Variants in CIMIP2A observed in about 807,000 individuals in gnomAD.
CIMIP2A encodes ciliary microtubule inner protein 2A, also known as family with sequence similarity 166 member A.
chr9:137,250,930 C>T, the CIMIP2A span: 6 of 282,696 alleles, frequency 2.1e-5, no homozygotes, highest in Admixed American at 9.9e-5. Context: ...TGGTGGATGC[C>T]GGTGGGTCCT....
chr9:137,253,633 T>C, the CIMIP2A span: 1 of 658,594 alleles, frequency 1.5e-6, no homozygotes, highest in South Asian at 3.6e-5. Context: ...AGCCTGTGAC[T>C]GACCCTGAGC....
chr9:137,246,069 G>A, the CIMIP2A span, among the ~76,000 whole-genome samples: 3 of 152,234 alleles, frequency 2.0e-5, no homozygotes, highest in Non-Finnish European at 4.4e-5. Flanking sequence ...CACACCACAT[G>A]CTGGGAACAC....
chr9:137,244,890 C>G, the CIMIP2A span: 11 of 1,574,786 alleles, frequency 7.0e-6, no homozygotes, highest in South Asian at 1.3e-4. Context: ...TGGGAACAGG[C>G]AGGCAAGGCA....
At chr9:137,247,523 T>A in the CIMIP2A span, 8 of 775,736 alleles carry the variant, frequency 1.0e-5, no homozygotes, top group East Asian at 2.2e-4. Context: ...CAGACTGCAG[T>A]GCCCCGTGGT....
chr9:137,243,678 A>G, the CIMIP2A span: 6 of 1,614,018 alleles, frequency 3.7e-6, no homozygotes, highest in South Asian at 3.3e-5. Flanking sequence ...CATGCTGTAC[A>G]GACACCACCA....
the CIMIP2A span, chr9:137,243,635 C>G: frequency 1.2e-6 from 2 of 1,613,916 alleles, no homozygotes; most frequent in Non-Finnish European, 1.7e-6. Flanking sequence ...GCCTGTCCCA[C>G]TGTGTGCACT....
chr9:137,244,854 G>A, the CIMIP2A span: 41 of 1,564,118 alleles, frequency 2.6e-5, no homozygotes, highest in African/African-American at 6.8e-5. Flanking sequence ...TTCCCTGAAC[G>A]TTGGCGACTG....
chr9:137,245,195 C>T, the CIMIP2A span: 1 of 1,580,846 alleles, frequency 6.3e-7, no homozygotes, highest in Non-Finnish European at 8.6e-7. Context: ...GGGGTGGGTA[C>T]TCATCCCTCT....
the CIMIP2A span, among the ~76,000 whole-genome samples, chr9:137,248,867 CACAA>C: frequency 6.6e-6 from 1 of 152,112 alleles, no homozygotes; most frequent in Non-Finnish European, 1.5e-5. Context: ...GACCATTTCT[CACAA>C]ACAAACAAAA....
At chr9:137,247,990 C>A in the CIMIP2A span, among the ~76,000 whole-genome samples, 3 of 152,184 alleles carry the variant, frequency 2.0e-5, no homozygotes, top group Non-Finnish European at 4.4e-5. Context: ...ACTGTCCCTC[C>A]AGAAAGGGCC....
chr9:137,245,821 T>C, the CIMIP2A span: 1 of 1,509,562 alleles, frequency 6.6e-7, no homozygotes, highest in East Asian at 2.3e-5. Flanking sequence ...GTTCCCCACC[T>C]GGTAGCGCAG....
the CIMIP2A span, chr9:137,245,284 G>GC: frequency 1.4e-5 from 22 of 1,579,622 alleles, no homozygotes; most frequent in Non-Finnish European, 1.9e-5. Context: ...AATGGGCTTG[G>GC]CACTGGTGCA....
chr9:137,248,985 A>G, the CIMIP2A span, among the ~76,000 whole-genome samples: 2 of 151,950 alleles, frequency 1.3e-5, no homozygotes, highest in Non-Finnish European at 2.9e-5. Context: ...AAAGATATAA[A>G]CAACACCTCC....
chr9:137,251,815 A>C, the CIMIP2A span: 2 of 1,603,170 alleles, frequency 1.2e-6, no homozygotes, highest in African/African-American at 2.7e-5. Flanking sequence ...AAGATGAAGG[A>C]GATCCCAGTT....
chr9:137,253,187 T>C, the CIMIP2A span: 3 of 1,606,326 alleles, frequency 1.9e-6, no homozygotes, highest in East Asian at 2.2e-5. Context: ...CCTGGCGTGG[T>C]CATCCAGGGT....
At chr9:137,251,411 G>C in the CIMIP2A span, 21 of 1,583,210 alleles carry the variant, frequency 1.3e-5, no homozygotes, top group South Asian at 1.2e-4. Context: ...CTGGCGGAGA[G>C]GGGGAGAAGG....
the CIMIP2A span, chr9:137,245,425 G>A: frequency 1.8e-4 from 293 of 1,613,800 alleles, 1 homozygote; most frequent in Middle Eastern, 1.8e-3. Context: ...CGGAGGGTGC[G>A]GGGTGTCGGG....
chr9:137,244,739 G>A, the CIMIP2A span: 5 of 1,612,292 alleles, frequency 3.1e-6, no homozygotes, highest in Admixed American at 3.3e-5. Context: ...AGCATAGCCT[G>A]GGGGTAGGCA....
At chr9:137,249,356 C>T in the CIMIP2A span, among the ~76,000 whole-genome samples, 832 of 152,308 alleles carry the variant, frequency 5.5e-3, 5 homozygotes, top group African/African-American at 0.019. Flanking sequence ...ATACAAGACA[C>T]TGCAAACTGG....
Sources: gnomAD v4.1 joint callset for allele counts (sites outside exome capture counted in the v4.1 genomes callset) on GRCh38, gnomAD v4.1.1 for gene constraint, MANE v1.5 for transcripts, NCBI Gene and HGNC (gene_info 2026-07-23, HGNC 2026-07-21) for gene names.